The following MACROD2 variants were observed in gnomAD, a reference collection of about 807,000 sequenced individuals.
MACROD2 encodes ADP-ribose glycohydrolase MACROD2.
Under a neutral mutation model 70.4 loss-of-function variants are expected in MACROD2, and 36 were observed. The ratio of observed to expected loss-of-function variants is 0.51; its 90% CI spans 0.39 to 0.68. The LOEUF (loss-of-function observed/expected upper bound fraction) is 0.68. Among genes scored for constraint, MACROD2 ranks in the 30% least tolerant of loss-of-function variants. The probability of loss-of-function intolerance (pLI) is 0.00; values close to 1 mark genes in which losing one functional copy is unlikely to be tolerated. For synonymous variants in MACROD2, 172 were observed against 178.8 expected (o/e 0.96, Z 0.30); for missense variants, 496 against 538.4 (o/e 0.92, Z 0.78).
chr20:15,663,209 T>C (rs918882845), intron 8 of MACROD2, among the ~76,000 whole-genome samples: 6 of 151,486 alleles, frequency 4.0e-5, no homozygotes, highest in Non-Finnish European at 8.8e-5. Flanking sequence ...ATGTTTCTGT[T>C]TCTCAAGAGA....
At chr20:15,567,396 C>T (rs1165741506) in intron 8 of MACROD2, among the ~76,000 whole-genome samples, 1 of 152,256 alleles carries the variant, frequency 6.6e-6, no homozygotes. Context: ...GATAAAGCCA[C>T]GGATGTGGCC....
intron 10 of MACROD2, among the ~76,000 whole-genome samples, chr20:15,925,689 G>A (rs2065478168): frequency 6.6e-6 from 1 of 152,106 alleles, no homozygotes; most frequent in Non-Finnish European, 1.5e-5. Context: ...AACACATATG[G>A]AAGGCCCAGT....
intron 2 of MACROD2, among the ~76,000 whole-genome samples, chr20:14,041,766 A>G (rs2053394390): frequency 6.6e-6 from 1 of 152,234 alleles, no homozygotes; most frequent in Non-Finnish European, 1.5e-5. Flanking sequence ...TGTGAGCAGT[A>G]TCAAGGTAAT....
intron 3 of MACROD2, among the ~76,000 whole-genome samples, chr20:14,396,940 A>AAAAAT (rs2083586968): frequency 6.8e-6 from 1 of 147,992 alleles, no homozygotes; most frequent in African/African-American, 2.5e-5. Context: ...AAAAAAAAAA[A>AAAAAT]TCCAATCTGA....
At chr20:15,247,400 G>T (rs1409726661) in intron 6 of MACROD2, among the ~76,000 whole-genome samples, 1 of 152,074 alleles carries the variant, frequency 6.6e-6, no homozygotes, top group African/African-American at 2.4e-5. Context: ...GGGTAATTGG[G>T]GGTGTCACAT....
At chr20:14,674,797 G>A (rs1345170770) in intron 4 of MACROD2, among the ~76,000 whole-genome samples, 4 of 152,150 alleles carry the variant, frequency 2.6e-5, no homozygotes, top group East Asian at 1.9e-4. Context: ...ATGGTAATTC[G>A]ATTTTTAAAG....
chr20:15,797,986 T>C (rs577994483), intron 8 of MACROD2, among the ~76,000 whole-genome samples: 32 of 152,352 alleles, frequency 2.1e-4, no homozygotes, highest in Middle Eastern at 3.4e-3. Context: ...TTTTTGGAAG[T>C]TATACATTCT....
chr20:15,516,464 C>T (rs575874631), intron 8 of MACROD2, among the ~76,000 whole-genome samples: 31 of 152,224 alleles, frequency 2.0e-4, no homozygotes, highest in East Asian at 5.8e-4. Flanking sequence ...AGAAAGCTTA[C>T]GGTCTGTTGG....
intron 6 of MACROD2, among the ~76,000 whole-genome samples, chr20:15,369,747 A>C (rs2146259930): frequency 6.6e-6 from 1 of 152,312 alleles, no homozygotes; most frequent in African/African-American, 2.4e-5. Context: ...TTGATTTAAA[A>C]GACTGTAATT....
intron 8 of MACROD2, among the ~76,000 whole-genome samples, chr20:15,640,748 T>G (rs1441601904): frequency 6.6e-6 from 1 of 152,206 alleles, no homozygotes; most frequent in Non-Finnish European, 1.5e-5. Context: ...TTCCTTTTCA[T>G]GAAGCCTGGG....
chr20:15,232,903 G>T (rs563838655), intron 6 of MACROD2, among the ~76,000 whole-genome samples: 2 of 151,818 alleles, frequency 1.3e-5, no homozygotes, highest in Non-Finnish European at 2.9e-5. Flanking sequence ...TATTTTTAAT[G>T]GATGTAAGAC....
intron 5 of MACROD2, among the ~76,000 whole-genome samples, chr20:15,154,554 G>A (rs1390310150): frequency 6.6e-6 from 1 of 152,208 alleles, no homozygotes; most frequent in Non-Finnish European, 1.5e-5. Context: ...ATTCCTCACA[G>A]TTCTGGAGTC....
chr20:14,181,387 T>C (rs772126178), intron 3 of MACROD2, among the ~76,000 whole-genome samples: 6 of 152,034 alleles, frequency 3.9e-5, no homozygotes, highest in Admixed American at 1.3e-4. Flanking sequence ...TTCTTGACTA[T>C]ATTATCCTCA....
At position 16,015,971 on chromosome 20, in the gene MACROD2, G is replaced by A. The variant is rs78961695; in HGVS notation, c.1154-25230G>A. 7.6e-3 allele frequency among the ~76,000 whole-genome samples: 1,149 copies of A among 151,952 alleles called. 62 individuals are homozygous for A. In the East Asian group the frequency reaches 0.15, roughly 20 times the overall value. ...GGTTTGGAGGTGTGAGGGTGTGAGG[G>A]AACTTATAGATTATCCTGTCCTGCC... On this transcript the variant is annotated intron_variant, in intron 15 of 17. Transcript: ENST00000684519.
intron 5 of MACROD2, among the ~76,000 whole-genome samples, chr20:15,069,694 A>G (rs138006653): frequency 1.3e-5 from 2 of 152,330 alleles, no homozygotes; most frequent in African/African-American, 2.4e-5. Flanking sequence ...GGTGAGTTCC[A>G]TGTGTTGCGA....
chr20:15,090,906 C>A (rs1194736604), intron 5 of MACROD2, among the ~76,000 whole-genome samples: 1 of 152,032 alleles, frequency 6.6e-6, no homozygotes. Flanking sequence ...GGCTGACTTC[C>A]CCCTGCCATC....
intron 5 of MACROD2, among the ~76,000 whole-genome samples, chr20:15,077,352 G>A (rs988568300): frequency 2.6e-5 from 4 of 151,994 alleles, no homozygotes; most frequent in Admixed American, 1.3e-4. Context: ...GACATTAGGC[G>A]ACAAAAATCA....
intron 7 of MACROD2, among the ~76,000 whole-genome samples, chr20:15,470,338 T>G (rs2080615379): frequency 6.6e-6 from 1 of 152,216 alleles, no homozygotes; most frequent in Non-Finnish European, 1.5e-5. Flanking sequence ...CATGAGCCAC[T>G]GCGCCCAGCC....
At chr20:14,558,981 A>G (rs1229363705) in intron 4 of MACROD2, among the ~76,000 whole-genome samples, 3 of 151,752 alleles carry the variant, frequency 2.0e-5, no homozygotes, top group Non-Finnish European at 4.4e-5. Flanking sequence ...ACACACAGAC[A>G]CAAAGATTCA....
Sources: allele counts gnomAD v4.1 joint callset (sites outside exome capture counted in the v4.1 genomes callset), GRCh38; gene constraint gnomAD v4.1.1; transcripts MANE v1.5; gene names NCBI Gene and HGNC (gene_info 2026-07-23, HGNC 2026-07-21).